SAMD12: variants seen among roughly 807,000 people sequenced by gnomAD.
SAMD12 encodes sterile alpha motif domain-containing protein 12.
In SAMD12, 9 loss-of-function variants were observed where a neutral mutation model predicts 15.0. That is an observed-to-expected ratio of 0.60 (90% CI 0.36 to 1.05). The LOEUF is 1.05. SAMD12 is among the 50% of genes least tolerant of loss of function. The probability of loss-of-function intolerance (pLI) is 0.01; values close to 1 mark genes in which losing one functional copy is unlikely to be tolerated. For synonymous variants in SAMD12, 86 were observed against 90.1 expected (o/e 0.96, Z 0.25); for missense variants, 230 against 234.2 (o/e 0.98, Z 0.12).
chr8:118,377,039 A>T (rs969544066), downstream of SAMD12, among the ~76,000 whole-genome samples: 19 of 151,448 alleles, frequency 1.3e-4, no homozygotes, highest in African/African-American at 2.7e-4. Flanking sequence ...TTTTTTTTTT[A>T]AAAAAGAAAC....
At chr8:118,477,648 T>A (rs1349045471) in intron 2 of SAMD12, among the ~76,000 whole-genome samples, 1 of 152,190 alleles carries the variant, frequency 6.6e-6, no homozygotes, top group Non-Finnish European at 1.5e-5. Flanking sequence ...TCAATGGACA[T>A]TGGGAACAGG....
At chr8:118,205,493 G>A (rs1012543617) in intron 4 of SAMD12, among the ~76,000 whole-genome samples, 15 of 152,232 alleles carry the variant, frequency 9.9e-5, no homozygotes, top group Admixed American at 4.6e-4. Context: ...CAGACTTGGA[G>A]GGGTGAGTGA....
At chr8:118,249,810 T>C (rs1336891872) in intron 4 of SAMD12, among the ~76,000 whole-genome samples, 1 of 152,132 alleles carries the variant, frequency 6.6e-6, no homozygotes, top group East Asian at 1.9e-4. Context: ...CAATGTAAAC[T>C]GTAAATGGGA....
At chr8:118,145,967 C>CAG in the SAMD12 span, among the ~76,000 whole-genome samples, 158 of 152,346 alleles carry the variant, frequency 1.0e-3, 2 homozygotes, top group African/African-American at 3.5e-3. Flanking sequence ...ATAGCCAGTT[C>CAG]TTTCTTGAAG....
chr8:118,548,378 C>CACATAT (rs1826192725), intron 2 of SAMD12, among the ~76,000 whole-genome samples: 2 of 110,520 alleles, frequency 1.8e-5, no homozygotes, highest in South Asian at 3.0e-4. Flanking sequence ...ACACTAAAAA[C>CACATAT]ACACATACAC....
At chr8:118,408,123 A>G (rs4876824) in intron 3 of SAMD12, among the ~76,000 whole-genome samples, 52,244 of 151,890 alleles carry the variant, frequency 0.34, 9,645 homozygotes, top group African/African-American at 0.41. Context: ...TCCCGAGTTC[A>G]CTTTTTCACT....
At chr8:118,165,551 C>T in the SAMD12 span, among the ~76,000 whole-genome samples, 1 of 132,554 alleles carries the variant, frequency 7.5e-6, no homozygotes, top group Non-Finnish European at 1.7e-5. Context: ...CCACTATGCC[C>T]GGCCCTCAAA....
intron 3 of SAMD12, among the ~76,000 whole-genome samples, chr8:118,380,759 G>C (rs182388812): frequency 1.4e-3 from 210 of 152,324 alleles, no homozygotes; most frequent in African/African-American, 2.9e-3. Context: ...AAGGAGACAG[G>C]TGAATGGAGA....
chr8:118,225,393 T>C (rs1019098236), intron 4 of SAMD12, among the ~76,000 whole-genome samples: 3 of 152,168 alleles, frequency 2.0e-5, no homozygotes, highest in African/African-American at 7.2e-5. Context: ...CCATTAAGTT[T>C]GCAGAGGACG....
At chr8:118,611,443 C>T (rs1034381806) in intron 1 of SAMD12, among the ~76,000 whole-genome samples, 1 of 152,174 alleles carries the variant, frequency 6.6e-6, no homozygotes, top group Non-Finnish European at 1.5e-5. Context: ...GGTAATGACT[C>T]GACTGAGGCA....
intron 4 of SAMD12, among the ~76,000 whole-genome samples, chr8:118,218,206 C>T (rs1315621187): frequency 1.3e-5 from 2 of 152,174 alleles, no homozygotes; most frequent in Non-Finnish European, 2.9e-5. Context: ...AAACAATTCA[C>T]AGCATGGTAC....
At chr8:118,508,280 A>C (rs1025260184) in intron 2 of SAMD12, among the ~76,000 whole-genome samples, 2 of 152,108 alleles carry the variant, frequency 1.3e-5, no homozygotes, top group African/African-American at 4.8e-5. Flanking sequence ...TACCTAATGT[A>C]AATGACAAGT....
At chr8:118,535,193 T>TG (rs200371624) in intron 2 of SAMD12, among the ~76,000 whole-genome samples, 2,385 of 152,362 alleles carry the variant, frequency 0.016, 58 homozygotes, top group African/African-American at 0.052. Flanking sequence ...GCAGGTTTGT[T>TG]GGAGTTTGCT....
intron 3 of SAMD12, among the ~76,000 whole-genome samples, chr8:118,388,460 A>G (rs1440920677): frequency 6.6e-6 from 1 of 152,130 alleles, no homozygotes; most frequent in East Asian, 1.9e-4. Flanking sequence ...GGGGTTTTTA[A>G]CAGTTAAAAG....
chr8:118,172,105 TG>T, the SAMD12 span, among the ~76,000 whole-genome samples: 1 of 151,528 alleles, frequency 6.6e-6, no homozygotes, highest in African/African-American at 2.4e-5. Flanking sequence ...GGGCCTGTCG[TG>T]GGGTAGGGGG....
intron 1 of SAMD12, among the ~76,000 whole-genome samples, chr8:118,591,918 T>C (rs1283579371): frequency 6.6e-6 from 1 of 152,064 alleles, no homozygotes; most frequent in East Asian, 1.9e-4. Flanking sequence ...AAGTATAGAA[T>C]TAACATATTC....
intron 2 of SAMD12, among the ~76,000 whole-genome samples, chr8:118,478,092 C>T (rs1824015896): frequency 1.3e-5 from 2 of 151,306 alleles, no homozygotes; most frequent in Non-Finnish European, 2.9e-5. Context: ...TCTCAATATG[C>T]CTTCATTTAT....
chr8:118,218,392 C>T (rs542879287), intron 4 of SAMD12, among the ~76,000 whole-genome samples: 90 of 152,250 alleles, frequency 5.9e-4, no homozygotes, highest in African/African-American at 2.1e-3. Flanking sequence ...GTGCTGAGAA[C>T]ATTTAAAATC....
rs148211018 is a variant in SAMD12 at position 118,437,271 on chromosome 8, G to A, written c.322+2561C>T. 5.2e-3 allele frequency among the ~76,000 whole-genome samples: 789 copies of A among 152,252 alleles called. 4 individuals are homozygous for A. Among genetic ancestry groups the A allele is most frequent in the African/African-American group, 0.018 (745 of 41,538 alleles). On this transcript the variant is annotated intron_variant, in intron 3 of 3. Transcript: ENST00000314727. ...TAGAGAAGCAGGGGCCAGAGAACAG[G>A]GGAAGAGAGTTGTCTTCTGAGGCTT... is the stretch of plus-strand genomic sequence containing the variant.
Sources: allele counts gnomAD v4.1 joint callset (sites outside exome capture counted in the v4.1 genomes callset), GRCh38; gene constraint gnomAD v4.1.1; transcripts MANE v1.5; gene names NCBI Gene and HGNC (gene_info 2026-07-23, HGNC 2026-07-21).